Variants in XG observed in about 807,000 individuals in gnomAD.
XG encodes Xg glycoprotein (Xg blood group).
In XG, 24 loss-of-function variants were observed where a neutral mutation model predicts 25.7. The ratio of observed to expected loss-of-function variants is 0.93; its 90% CI spans 0.68 to 1.31. The LOEUF is 1.31. XG is among the 40% of genes most tolerant of loss of function. XG has a pLI of 0.00. For synonymous variants in XG, 77 were observed against 69.2 expected (o/e 1.11, Z -0.56); for missense variants, 181 against 187.6 (o/e 0.96, Z 0.21).
chrX:2,766,711 CCCG>C (rs1281057454), intron 1 of XG, among the ~76,000 whole-genome samples: 1 of 150,660 alleles, frequency 6.6e-6, no homozygotes, highest in Admixed American at 6.6e-5. Context: ...ACTACAGGCG[CCCG>C]CCACCACACC....
intron 3 of XG, among the ~76,000 whole-genome samples, chrX:2,780,016 T>G (rs2051084107): frequency 6.6e-6 from 1 of 152,138 alleles, no homozygotes; most frequent in East Asian, 1.9e-4. Flanking sequence ...ATGCAAATAG[T>G]TGTTATACTA....
At chrX:2,781,594 C>T (rs1313931620) in intron 3 of XG, among the ~76,000 whole-genome samples, 1 of 112,200 alleles carries the variant, frequency 8.9e-6, no homozygotes, top group Non-Finnish European at 1.9e-5. Flanking sequence ...AGGCCTTCTC[C>T]CTGTAACAGG....
At chrX:2,781,311 C>T (rs1416300568) in intron 3 of XG, among the ~76,000 whole-genome samples, 1 of 151,438 alleles carries the variant, frequency 6.6e-6, no homozygotes, top group African/African-American at 2.4e-5. Flanking sequence ...CCTCCACAAA[C>T]AAGTTTATTG....
At chrX:2,796,980 G>A (rs762850166) in intron 6 of XG, among the ~76,000 whole-genome samples, 1 of 112,150 alleles carries the variant, frequency 8.9e-6, no homozygotes, top group East Asian at 2.8e-4. Flanking sequence ...ATCCGGCGTC[G>A]GCGTGGCTGA....
At chrX:2,797,259 C>T in intron 6 of XG, 51 bp from the exon 7 acceptor site, 1 of 1,186,797 alleles carries the variant, frequency 8.4e-7, no homozygotes, top group South Asian at 1.8e-5. Context: ...GCAGGAAACC[C>T]CACGCTCAGA....
At chrX:2,755,428 C>A (rs768693661) in intron 1 of XG, among the ~76,000 whole-genome samples, 2 of 152,224 alleles carry the variant, frequency 1.3e-5, no homozygotes, top group African/African-American at 4.8e-5. Context: ...CCAGAGGCCA[C>A]TCTCATCACC....
chrX:2,797,589 C>T (rs1414647945), intron 7 of XG, among the ~76,000 whole-genome samples: 1 of 107,366 alleles, frequency 9.3e-6, no homozygotes, highest in African/African-American at 3.4e-5. Flanking sequence ...CACACATGCA[C>T]ACACACACAC....
rs1199172639 is a variant in XG, at chrX:2,797,234, G to A, written c.323-76G>A. On this transcript the variant is annotated intron_variant, in intron 6 of 10. Coordinates refer to ENST00000644266, the MANE Select transcript of XG (RefSeq NM_001141919.2). The stretch of plus-strand genomic sequence containing the variant: ...ACTTGTTGCCATTCCCAATGAGCTG[G>A]ACAGACCAACACCTGCAGGAAACCC... The A allele has an allele frequency of 1.8e-5, 20 of 1,082,150 alleles. No individual in the cohort carries two copies. The Admixed American group carries it at 2.7e-4, about 15-fold the overall frequency. The allele number at this position is 1,082,150 out of a possible 1,213,427, so 89.2% of individuals were successfully genotyped here. A position where few individuals can be genotyped will look rare whatever the true frequency, so the allele number is the denominator to read the frequency against.
intron 1 of XG, among the ~76,000 whole-genome samples, chrX:2,766,665 C>T (rs938854487): frequency 1.4e-5 from 2 of 146,636 alleles, no homozygotes; most frequent in African/African-American, 5.0e-5. Context: ...CCCGGGTTCA[C>T]GCCATTCTCC....
rs144741230 is a variant in XG, at chrX:2,778,179, T to C, written c.127+3440T>C. ...TAAGTTAAAAGTGGAAATTTAAAGA[T>C]CTAAGTGTGAGATTTTAAAAAGCAT... On this transcript the variant is annotated intron_variant, in intron 3 of 10. Coordinates refer to ENST00000644266, the MANE Select transcript of XG (RefSeq NM_001141919.2). 1.8e-3 allele frequency among the ~76,000 whole-genome samples: 280 copies of C among 152,084 alleles called. 1 individual carries two copies. The highest frequency in any genetic ancestry group is 3.8e-3 in the Non-Finnish European group (261 of 67,994).
chrX:2,805,116 C>T (rs765065936), intron 7 of XG, among the ~76,000 whole-genome samples: 4 of 112,350 alleles, frequency 3.6e-5, no homozygotes, highest in East Asian at 2.8e-4. Flanking sequence ...GGCTTCTCCC[C>T]GAATCCCCAA....
chrX:2,780,900 C>G (rs2051105863), intron 3 of XG, among the ~76,000 whole-genome samples: 1 of 151,984 alleles, frequency 6.6e-6, no homozygotes, highest in East Asian at 1.9e-4. Context: ...ACGAATCTGC[C>G]TCAGGGAGCA....
intron 1 of XG, 96 bp from the exon 2 acceptor site, chrX:2,770,454 G>C: frequency 6.8e-7 from 1 of 1,470,978 alleles, no homozygotes; most frequent in East Asian, 2.3e-5. Flanking sequence ...GGCGACCCTA[G>C]GCTTGCAGGA....
intron 7 of XG, among the ~76,000 whole-genome samples, chrX:2,805,108 C>G (rs1480422490): frequency 2.7e-5 from 3 of 112,326 alleles, no homozygotes; most frequent in Non-Finnish European, 5.6e-5. Flanking sequence ...AGTCACGCGG[C>G]TTCTCCCCGA....
intron 1 of XG, among the ~76,000 whole-genome samples, chrX:2,763,789 A>G (rs1308224129): frequency 6.6e-6 from 1 of 152,176 alleles, no homozygotes; most frequent in Non-Finnish European, 1.5e-5. Flanking sequence ...AGGTTGCTTG[A>G]TGCCCTCTAA....
Position 2,815,442 on chromosome X carries a change from G to A in XG, c.*1062G>A, listed in dbSNP as rs1569043442. 9.0e-6 allele frequency: 1 copy of A among 111,671 alleles called. No homozygotes were observed. The highest frequency in any genetic ancestry group is 1.9e-5 in the Non-Finnish European group (1 of 53,129). 9.2% of individuals were successfully genotyped at this position (111,671 alleles called of 1,213,427 possible). A position where few individuals can be genotyped will look rare whatever the true frequency, so the allele number is the denominator to read the frequency against. ...GTACAGTCTGGAATGTATATATGGG[G>A]CCCATAAAAATTCCCAGTATGCATG... On this transcript the variant is annotated 3_prime_UTR_variant, in exon 11 of 11. Coordinates refer to ENST00000644266, the MANE Select transcript of XG (RefSeq NM_001141919.2).
chrX:2,781,765 G>C (rs1364293555), intron 3 of XG, among the ~76,000 whole-genome samples: 5 of 112,228 alleles, frequency 4.5e-5, no homozygotes, highest in African/African-American at 1.3e-4. Flanking sequence ...ATTCTTCCTA[G>C]GTTTCTTTTT....
chrX:2,752,836 C>T lies in XG; in HGVS notation c.61+501C>T, dbSNP rs370584736. The T allele has an allele frequency of 7.1e-5, 51 of 717,058 alleles. No individual in the cohort carries two copies. The East Asian group carries it at 1.6e-3, about 22-fold the overall frequency. The allele number at this position is 717,058 out of a possible 1,614,324, so 44.4% of individuals were successfully genotyped here. A position where few individuals can be genotyped will look rare whatever the true frequency, so the allele number is the denominator to read the frequency against. ...AAATCTTTTCCTAAACACTGTCATT[C>T]ATTCTTGCAAATTAAAACCACCTGA... On this transcript the variant is annotated intron_variant, in intron 1 of 10. Coordinates refer to ENST00000644266, the MANE Select transcript of XG (RefSeq NM_001141919.2).
At chrX:2,792,545 T>TTGTGTGTGTG (rs146747084) in intron 5 of XG, among the ~76,000 whole-genome samples, 1,908 of 99,756 alleles carry the variant, frequency 0.019, 59 homozygotes, top group African/African-American at 0.066. Flanking sequence ...TTCTTTTTCT[T>TTGTGTGTGTG]TGTGTGTGTG....
Sources: allele counts gnomAD v4.1 joint callset (sites outside exome capture counted in the v4.1 genomes callset), GRCh38; gene constraint gnomAD v4.1.1; transcripts MANE v1.5; gene names NCBI Gene and HGNC (gene_info 2026-07-23, HGNC 2026-07-21).